GRM4: variants seen among roughly 807,000 people sequenced by gnomAD.
The protein encoded by GRM4 is glutamate metabotropic receptor 4.
In GRM4, 28 loss-of-function variants were observed where a neutral mutation model predicts 81.7. The observed-to-expected ratio is 0.34, with a 90% confidence interval of 0.25 to 0.47. GRM4 has a LOEUF of 0.47. GRM4 is among the 20% of genes least tolerant of loss of function. The pLI is 1.00. For synonymous variants in GRM4, 488 were observed against 528.8 expected (o/e 0.92, Z 1.06); for missense variants, 948 against 1,290.0 (o/e 0.73, Z 4.06).
At chr6:34,083,119 T>C (rs1283867781) in intron 3 of GRM4, among the ~76,000 whole-genome samples, 2 of 152,190 alleles carry the variant, frequency 1.3e-5, no homozygotes, top group Non-Finnish European at 2.9e-5. Flanking sequence ...GACGTTTTCC[T>C]CCTGTCATTC....
chr6:34,110,887 C>A (rs1769347960), intron 2 of GRM4: 1 of 1,298,148 alleles, frequency 7.7e-7, no homozygotes, highest in Non-Finnish European at 9.8e-7. Context: ...GGAAGTTCCC[C>A]CCAGGGCAGG....
At chr6:34,040,018 C>T (rs1001336905) in intron 8 of GRM4, among the ~76,000 whole-genome samples, 160 bp downstream of exon 8, 1 of 152,206 alleles carries the variant, frequency 6.6e-6, no homozygotes, top group African/African-American at 2.4e-5. Context: ...GGCCTCAGAG[C>T]CGCTGAGGTC....
Position 34,021,486 on chromosome 6 carries a change from G to A in GRM4, c.*1335C>T, listed in dbSNP as rs1448863607. The A allele has an allele frequency of 6.6e-6, 1 of 152,428 alleles. No individual in the cohort carries two copies. The highest frequency in any genetic ancestry group is 1.5e-5 in the Non-Finnish European group (1 of 68,178). The allele number at this position is 152,428 out of a possible 1,614,324, so 9.4% of individuals were successfully genotyped here. On this transcript the variant is annotated 3_prime_UTR_variant, in exon 11 of 11. Coordinates refer to ENST00000538487, the MANE Select transcript of GRM4 (RefSeq NM_000841.4). The surrounding 1 kb of genome is among the most constrained non-coding windows in gnomAD (Gnocchi z 5.3). ...CTGGAAGGAGAGAGGCACAGGTTAT[G>A]GGGGCAGGGGTGGAAGGGCAGTCCC... is the stretch of plus-strand genomic sequence containing the variant.
intron 3 of GRM4, among the ~76,000 whole-genome samples, chr6:34,075,323 C>T (rs991779185): frequency 2.6e-5 from 4 of 152,170 alleles, no homozygotes; most frequent in Non-Finnish European, 4.4e-5. Context: ...TCCTCTCCTC[C>T]GCCTCACTTC....
At chr6:34,054,248 C>A (rs897923571) in intron 6 of GRM4, 8 of 151,496 alleles carry the variant, frequency 5.3e-5, no homozygotes, top group Admixed American at 3.3e-4. Context: ...GCAACCTCCA[C>A]TTCCCCAGGC....
intron 8 of GRM4, among the ~76,000 whole-genome samples, chr6:34,039,025 T>C (rs963012355): frequency 2.6e-5 from 4 of 152,224 alleles, no homozygotes; most frequent in Non-Finnish European, 5.9e-5. Flanking sequence ...CCCCGTGCTC[T>C]GCCCACTGCA....
rs3222082 is a variant in GRM4, at chr6:34,069,647, A to AGTGTGTGTGT, written c.737-7629_737-7620dup. ...GGCTTTACAACCCTTGGCAGCCCCC[A>AGTGTGTGTGT]GTGTGTGTGTGTGTGTGTGTGTGTG... On this transcript the variant is annotated intron_variant, in intron 3 of 10. Transcript: ENST00000538487. This position sits in a 1 kb window ranked among gnomAD's most constrained non-coding sequence, Gnocchi z 6.4. Among the ~76,000 whole-genome samples, 154 of 144,494 alleles carry AGTGTGTGTGT rather than the reference A, an allele frequency of 1.1e-3. No individual in the cohort carries two copies. The highest frequency in any genetic ancestry group is 2.9e-3 in the African/African-American group (119 of 40,482). 94.8% of individuals were successfully genotyped at this position (144,494 alleles called of 152,430 possible). A position where few individuals can be genotyped will look rare whatever the true frequency, so the allele number is the denominator to read the frequency against.
chr6:34,110,888 C>G, intron 2 of GRM4: 2 of 1,296,466 alleles, frequency 1.5e-6, no homozygotes, highest in African/African-American at 1.5e-5. Context: ...GAAGTTCCCC[C>G]CAGGGCAGGC....
At chr6:34,108,448 G>T (rs1769223957) in intron 2 of GRM4, among the ~76,000 whole-genome samples, 1 of 152,228 alleles carries the variant, frequency 6.6e-6, no homozygotes, top group African/African-American at 2.4e-5. Context: ...TACTCAGCTG[G>T]TAAGTGGCTG....
chr6:34,070,765 C>T lies in GRM4; in HGVS notation c.737-8737G>A, dbSNP rs1277637678. Among the ~76,000 whole-genome samples, 1 of 149,310 alleles carries T rather than the reference C, an allele frequency of 6.7e-6. No individual in the cohort carries two copies. Among genetic ancestry groups the T allele is most frequent in the Non-Finnish European group, 1.5e-5 (1 of 67,392 alleles). ...TTCCCTCCTGAAGGCTCTCAGCACC[C>T]CCACCACACCCCCGCCACACCCCCA... On this transcript the variant is annotated intron_variant, in intron 3 of 10. Transcript: ENST00000538487. The surrounding 1 kb of genome is among the most constrained non-coding windows in gnomAD (Gnocchi z 4.6).
chr6:34,088,226 G>A (rs1188660444), intron 3 of GRM4, among the ~76,000 whole-genome samples: 4 of 152,100 alleles, frequency 2.6e-5, no homozygotes, highest in Admixed American at 6.5e-5. Flanking sequence ...AGGTTCAAGC[G>A]ATTCTCTTGC....
intron 3 of GRM4, among the ~76,000 whole-genome samples, chr6:34,082,501 T>A (rs1187490147): frequency 6.6e-6 from 1 of 152,124 alleles, no homozygotes; most frequent in East Asian, 1.9e-4. Context: ...GGTCCCCTGA[T>A]GTGTTGGCTG....
upstream of GRM4, chr6:34,146,109 G>A (rs965979438): frequency 4.1e-6 from 4 of 985,404 alleles, no homozygotes; most frequent in African/African-American, 5.2e-5. Context: ...ACGCAGAGGG[G>A]CGCGCTACTC....
intron 10 of GRM4, among the ~76,000 whole-genome samples, chr6:34,023,329 T>G (rs1471944617): frequency 6.6e-6 from 1 of 152,242 alleles, no homozygotes; most frequent in Non-Finnish European, 1.5e-5. Context: ...AAGGGAAGTC[T>G]TTCAGAAGTT....
In GRM4 at chr6:34,092,140, C is replaced by T; in HGVS notation, c.520-41G>A. On this transcript the variant is annotated intron_variant, in intron 2 of 10. Coordinates refer to ENST00000538487, the MANE Select transcript of GRM4 (RefSeq NM_000841.4). This position sits in a 1 kb window ranked among gnomAD's most constrained non-coding sequence, Gnocchi z 6.8. ...GGCTGCTGAGGGTGGCGACTGGCTCCCCACCCTGCCTAGCCAGCCCCATTC... is the reference window on the plus strand; with the variant it reads ...GGCTGCTGAGGGTGGCGACTGGCTCTCCACCCTGCCTAGCCAGCCCCATTC... The T allele has an allele frequency of 7.3e-7, 1 of 1,367,158 alleles. No individual in the cohort carries two copies. Among genetic ancestry groups the T allele is most frequent in the Non-Finnish European group, 1.0e-6 (1 of 971,232 alleles). 84.7% of individuals were successfully genotyped at this position (1,367,158 alleles called of 1,614,324 possible). A position where few individuals can be genotyped will look rare whatever the true frequency, so the allele number is the denominator to read the frequency against.
At chr6:34,072,005 AC>A (rs1766913979) in intron 3 of GRM4, among the ~76,000 whole-genome samples, 1 of 152,134 alleles carries the variant, frequency 6.6e-6, no homozygotes, top group African/African-American at 2.4e-5. Flanking sequence ...AAAAATACAC[AC>A]CACACAGAGA....
At chr6:34,101,216 G>T (rs1257628002) in intron 2 of GRM4, among the ~76,000 whole-genome samples, 3 of 152,158 alleles carry the variant, frequency 2.0e-5, no homozygotes, top group Non-Finnish European at 4.4e-5. Flanking sequence ...CACTTACTGG[G>T]TGCTTACTAT....
In GRM4 at chr6:34,076,961, G is replaced by T. The variant is rs1482310362; in HGVS notation, c.736+14922C>A. Among the ~76,000 whole-genome samples, 2 of 152,062 alleles carry T rather than the reference G, an allele frequency of 1.3e-5. 1 individual carries two copies. The highest frequency in any genetic ancestry group is 2.9e-5 in the Non-Finnish European group (2 of 68,016). Reference sequence around the variant, plus strand: ...GATCCTGGGAGCAGCCTTGAGTAGGGTCAGGAGAGCCTTGGGGAGCAAGGG... The same window carrying T: ...GATCCTGGGAGCAGCCTTGAGTAGGTTCAGGAGAGCCTTGGGGAGCAAGGG... On this transcript the variant is annotated intron_variant, in intron 3 of 10. Transcript: ENST00000538487.
chr6:34,134,487 G>A (rs1211422838), intron 1 of GRM4, among the ~76,000 whole-genome samples: 1 of 152,116 alleles, frequency 6.6e-6, no homozygotes, highest in Admixed American at 6.6e-5. Context: ...GAAGGCCAAG[G>A]GAAGGCCAGG....
Sources: gnomAD v4.1 joint callset for allele counts (sites outside exome capture counted in the v4.1 genomes callset) on GRCh38, gnomAD v4.1.1 for gene constraint, Gnocchi (gnomAD v3.1) non-coding constraint, MANE v1.5 for transcripts, NCBI Gene and HGNC (gene_info 2026-07-23, HGNC 2026-07-21) for gene names.